Variants in NSMCE2 observed in about 807,000 individuals in gnomAD.
The protein encoded by NSMCE2 is NSE2 SUMO ligase component of SMC5/6 complex, also known as E3 SUMO-protein ligase NSE2.
A neutral mutation model predicts 23.8 loss-of-function variants in NSMCE2; 24 were observed. The observed-to-expected ratio is 1.01, with a 90% CI of 0.73 to 1.42. The LOEUF is 1.42. Ranked by LOEUF, NSMCE2 falls within the 40% of genes most tolerant of loss-of-function variation. The pLI, the probability that NSMCE2 is intolerant of heterozygous loss-of-function variation, is 0.00. For synonymous variants in NSMCE2, 92 were observed against 94.1 expected, an observed-to-expected ratio of 0.98 and a Z score of 0.13; for missense variants, 284 against 296.5, an observed-to-expected ratio of 0.96 and a Z score of 0.31.
At chr8:125,352,102 A>G (rs1403313227) in intron 5 of NSMCE2, among the ~76,000 whole-genome samples, 1 of 152,208 alleles carries the variant, frequency 6.6e-6, no homozygotes, top group Non-Finnish European at 1.5e-5. Context: ...TTTTGTTAGG[A>G]GTAAATGAAA....
At chr8:125,346,892 A>G (rs1254237756) in intron 5 of NSMCE2, among the ~76,000 whole-genome samples, 1 of 152,240 alleles carries the variant, frequency 6.6e-6, no homozygotes, top group Non-Finnish European at 1.5e-5. Flanking sequence ...ACAACAGTAG[A>G]TAAATTATAA....
rs145862223 is a variant in NSMCE2 at position 125,093,995 on chromosome 8, G to T, written c.-111+2037G>T. 4.3e-3 allele frequency among the ~76,000 whole-genome samples: 650 copies of T among 151,778 alleles called. 4 individuals are homozygous for T. Among genetic ancestry groups the T allele is most frequent in the Non-Finnish European group, 7.5e-3 (506 of 67,890 alleles). On this transcript the variant is annotated intron_variant, in intron 1 of 7. Coordinates refer to ENST00000287437, the MANE Select transcript of NSMCE2 (RefSeq NM_173685.4). ...ATTTTTTTTTTTTTTGTAGAGTTGGGGTCTTGCTGTGTTGCCCAGGCTGGT... is the reference window on the plus strand; with the variant it reads ...ATTTTTTTTTTTTTTGTAGAGTTGGTGTCTTGCTGTGTTGCCCAGGCTGGT...
intron 3 of NSMCE2, among the ~76,000 whole-genome samples, chr8:125,106,422 G>A (rs561502034): frequency 1.1e-4 from 16 of 152,244 alleles, no homozygotes; most frequent in Admixed American, 9.2e-4. Context: ...GCTCATGTCT[G>A]TAATCCCAGC....
chr8:125,212,895 A>G (rs1824406017), intron 5 of NSMCE2, among the ~76,000 whole-genome samples: 1 of 152,156 alleles, frequency 6.6e-6, no homozygotes, highest in Admixed American at 6.5e-5. Flanking sequence ...TTCATCTGCT[A>G]ATTCAAATAT....
At chr8:125,118,587 T>C (rs964467975) in intron 3 of NSMCE2, among the ~76,000 whole-genome samples, 1 of 152,228 alleles carries the variant, frequency 6.6e-6, no homozygotes, top group African/African-American at 2.4e-5. Flanking sequence ...GAAGTAGCTA[T>C]TGGCTTTTTG....
intron 5 of NSMCE2, among the ~76,000 whole-genome samples, chr8:125,211,183 G>A (rs914749224): frequency 6.6e-6 from 1 of 152,006 alleles, no homozygotes. Context: ...TTCTTTAAAG[G>A]TTTTATCTTT....
At chr8:125,143,744 A>G (rs375948450) in intron 3 of NSMCE2, among the ~76,000 whole-genome samples, 46 of 152,324 alleles carry the variant, frequency 3.0e-4, no homozygotes, top group Non-Finnish European at 6.2e-4. Flanking sequence ...GGGCAAAACT[A>G]TACAGTTGAA....
intron 5 of NSMCE2, among the ~76,000 whole-genome samples, chr8:125,324,545 C>T (rs1321190281): frequency 7.1e-6 from 1 of 141,394 alleles, no homozygotes; most frequent in African/African-American, 2.6e-5. Flanking sequence ...AAGAGCATAT[C>T]CTATGTGATT....
At chr8:125,206,212 G>A (rs529442877) in intron 5 of NSMCE2, among the ~76,000 whole-genome samples, 6 of 152,182 alleles carry the variant, frequency 3.9e-5, no homozygotes, top group Non-Finnish European at 5.9e-5. Flanking sequence ...CAGGACTTGA[G>A]GAACAGCAAA....
chr8:125,297,213 G>A (rs1393845497), intron 5 of NSMCE2, among the ~76,000 whole-genome samples: 1 of 151,834 alleles, frequency 6.6e-6, no homozygotes, highest in Non-Finnish European at 1.5e-5. Context: ...TGTAACTAAA[G>A]CTACATTCCT....
intron 5 of NSMCE2, among the ~76,000 whole-genome samples, chr8:125,278,714 T>C (rs1226151057): frequency 6.6e-6 from 1 of 152,124 alleles, no homozygotes; most frequent in Non-Finnish European, 1.5e-5. Context: ...GTCTTTTGGA[T>C]ATTGTTTTGG....
intron 3 of NSMCE2, among the ~76,000 whole-genome samples, chr8:125,142,447 C>T (rs934861468): frequency 1.1e-4 from 16 of 152,074 alleles, no homozygotes; most frequent in African/African-American, 7.2e-5. Flanking sequence ...ATTGTGTTGG[C>T]GGGTAAACTA....
chr8:125,258,485 C>G (rs1033155150), intron 5 of NSMCE2, among the ~76,000 whole-genome samples: 7 of 151,984 alleles, frequency 4.6e-5, no homozygotes, highest in Middle Eastern at 3.2e-3. Context: ...TTCCTGGCTC[C>G]CCTGAGTGAG....
At chr8:125,356,829 T>G (rs533519022) in intron 5 of NSMCE2, among the ~76,000 whole-genome samples, 1 of 152,276 alleles carries the variant, frequency 6.6e-6, no homozygotes, top group Admixed American at 6.5e-5. Context: ...GCATACCACA[T>G]TCTTCATCTC....
At chr8:125,102,229 T>G (rs1818228190) in intron 2 of NSMCE2, 83 bp downstream of exon 2, 5 of 864,710 alleles carry the variant, frequency 5.8e-6, no homozygotes, top group Non-Finnish European at 7.6e-6. Context: ...TACATTTGTA[T>G]GAATGTTTAC....
intron 5 of NSMCE2, among the ~76,000 whole-genome samples, chr8:125,216,673 T>C (rs1356969993): frequency 6.6e-6 from 1 of 151,236 alleles, no homozygotes; most frequent in Non-Finnish European, 1.5e-5. Flanking sequence ...TTTGGGCAAA[T>C]GCACAATGTC....
chr8:125,249,190 C>T (rs1044954718), intron 5 of NSMCE2, among the ~76,000 whole-genome samples: 7 of 151,520 alleles, frequency 4.6e-5, no homozygotes, highest in African/African-American at 1.7e-4. Context: ...AAAAAATAGG[C>T]AGAGCCATGA....
intron 5 of NSMCE2, among the ~76,000 whole-genome samples, chr8:125,242,191 G>A (rs1011129729): frequency 3.3e-5 from 5 of 152,118 alleles, no homozygotes; most frequent in East Asian, 1.9e-4. Flanking sequence ...AGAAAGAGAG[G>A]AAAGGATGGC....
chr8:125,353,699 A>T (rs1307937736), intron 5 of NSMCE2, among the ~76,000 whole-genome samples: 2 of 151,922 alleles, frequency 1.3e-5, no homozygotes. Flanking sequence ...CGTGGCCAAC[A>T]TGGCGAAACC....
Sources: allele counts gnomAD v4.1 joint callset (sites outside exome capture counted in the v4.1 genomes callset), GRCh38; gene constraint gnomAD v4.1.1; transcripts MANE v1.5; gene names NCBI Gene and HGNC (gene_info 2026-07-23, HGNC 2026-07-21).